The following S100Z variants were observed in gnomAD, a reference collection of about 807,000 sequenced individuals.
S100Z encodes the protein S100 calcium binding protein Z.
A neutral mutation model predicts 8.5 loss-of-function variants in S100Z; 11 were observed. The observed-to-expected ratio is 1.30, with a 90% CI of 0.82 to 2.15. The LOEUF (loss-of-function observed/expected upper bound fraction) is 2.15. S100Z is among the 30% of genes most tolerant of loss of function. S100Z has a pLI of 0.00. For missense variants in S100Z, 126 were observed against 117.9 expected, an observed-to-expected ratio of 1.07 and a Z score of -0.32; for synonymous variants, 34 against 43.8, an observed-to-expected ratio of 0.78 and a Z score of 0.89.
chr5:76,912,150 C>G (rs578232268), intron 4 of S100Z, among the ~76,000 whole-genome samples: 8 of 152,188 alleles, frequency 5.3e-5, no homozygotes, highest in Non-Finnish European at 5.9e-5. Context: ...TTGGACTACT[C>G]ATGATGTAAA....
chr5:76,870,452 C>T (rs1742968153), intron 2 of S100Z, among the ~76,000 whole-genome samples, 168 bp downstream of exon 2: 1 of 152,110 alleles, frequency 6.6e-6, no homozygotes, highest in South Asian at 2.1e-4. Flanking sequence ...ATGTAGTGAA[C>T]CCCCAAGGCC....
chr5:76,868,264 G>T (rs1174281841), intron 1 of S100Z, among the ~76,000 whole-genome samples: 1 of 152,154 alleles, frequency 6.6e-6, no homozygotes, highest in Admixed American at 6.6e-5. Flanking sequence ...GGGCTGCCAG[G>T]TGCAGTCCTG....
the S100Z span, among the ~76,000 whole-genome samples, chr5:76,937,355 G>A: frequency 6.6e-6 from 1 of 151,936 alleles, no homozygotes; most frequent in African/African-American, 2.4e-5. Flanking sequence ...AAGAACTAGA[G>A]TGATAGGAAT....
At chr5:76,929,492 T>A in the S100Z span, among the ~76,000 whole-genome samples, 9 of 152,228 alleles carry the variant, frequency 5.9e-5, no homozygotes, top group Non-Finnish European at 1.0e-4. Flanking sequence ...CCAAATTGAT[T>A]GTGCCAGACA....
intron 4 of S100Z, among the ~76,000 whole-genome samples, chr5:76,884,363 C>T (rs57425095): frequency 0.59 from 89,005 of 152,022 alleles, 27,032 homozygotes; most frequent in Non-Finnish European, 0.66. Flanking sequence ...GGGATCTTCT[C>T]GGGGAACTGC....
chr5:76,895,743 CCTTT>C lies in S100Z; in HGVS notation c.*2+17922_*2+17925del, dbSNP rs1191154403. 6.5e-4 allele frequency among the ~76,000 whole-genome samples: 97 copies of C among 148,848 alleles called. 1 individual carries two copies. Among genetic ancestry groups the C allele is most frequent in the African/African-American group, 2.1e-3 (87 of 40,602 alleles). On this transcript the variant is annotated intron_variant, in intron 4 of 4. Transcript: ENST00000317593. Reference sequence around the variant, plus strand: ...AATATAGAGGGGTTTTTTTGCTTTCCCTTTCTTTCTTTCTTTTCTTCCTTTTTTT... The same window carrying C: ...AATATAGAGGGGTTTTTTTGCTTTCCCTTTCTTTCTTTTCTTCCTTTTTTT...
intron 4 of S100Z, among the ~76,000 whole-genome samples, chr5:76,891,465 CTG>C (rs1743852088): frequency 6.6e-6 from 1 of 152,158 alleles, no homozygotes; most frequent in Non-Finnish European, 1.5e-5. Context: ...CAACATCTGA[CTG>C]AGAACTGTCT....
chr5:76,894,690 G>A (rs1743975314), intron 4 of S100Z, among the ~76,000 whole-genome samples: 1 of 151,602 alleles, frequency 6.6e-6, no homozygotes, highest in Non-Finnish European at 1.5e-5. Flanking sequence ...CCACCTCCCG[G>A]GTTCAAGTGA....
chr5:76,906,793 C>T (rs1338257241), intron 4 of S100Z, among the ~76,000 whole-genome samples: 2 of 151,388 alleles, frequency 1.3e-5, no homozygotes, highest in East Asian at 3.9e-4. Flanking sequence ...CCACCACGCT[C>T]AGCTAATTTT....
At chr5:76,909,031 T>C (rs1350123756) in intron 4 of S100Z, among the ~76,000 whole-genome samples, 1 of 152,182 alleles carries the variant, frequency 6.6e-6, no homozygotes, top group African/African-American at 2.4e-5. Flanking sequence ...CTAGTGTTTC[T>C]GCTGCTGTGT....
At chr5:76,905,740 A>G (rs1744403305) in intron 4 of S100Z, among the ~76,000 whole-genome samples, 1 of 152,156 alleles carries the variant, frequency 6.6e-6, no homozygotes, top group Non-Finnish European at 1.5e-5. Flanking sequence ...TAGCTAGTGC[A>G]AGGTATGGAT....
intron 4 of S100Z, among the ~76,000 whole-genome samples, chr5:76,885,669 C>T (rs1184036095): frequency 7.0e-6 from 1 of 142,774 alleles, no homozygotes; most frequent in African/African-American, 2.6e-5. Context: ...GGTGCTTGCC[C>T]CCCAGGAAAG....
the S100Z span, among the ~76,000 whole-genome samples, chr5:76,938,050 C>T: frequency 3.5e-4 from 53 of 151,968 alleles, no homozygotes; most frequent in Non-Finnish European, 6.9e-4. Flanking sequence ...GCCGAGATCG[C>T]GCCACTGCAC....
intron 2 of S100Z, among the ~76,000 whole-genome samples, chr5:76,873,056 C>G (rs1447392715): frequency 1.3e-5 from 2 of 151,992 alleles, no homozygotes; most frequent in Admixed American, 1.3e-4. Flanking sequence ...ATGGTCATCC[C>G]CATTTAGACT....
intron 1 of S100Z, among the ~76,000 whole-genome samples, chr5:76,864,259 C>T (rs1159160158): frequency 6.6e-6 from 1 of 152,118 alleles, no homozygotes; most frequent in Non-Finnish European, 1.5e-5. Context: ...ACAATACTTA[C>T]ATGTCTGGGG....
At chr5:76,936,616 T>TACACACACAC in the S100Z span, among the ~76,000 whole-genome samples, 3,782 of 134,058 alleles carry the variant, frequency 0.028, 105 homozygotes, top group Non-Finnish European at 0.034. Flanking sequence ...TTAAAGTTCC[T>TACACACACAC]ACACACACAC....
intron 4 of S100Z, among the ~76,000 whole-genome samples, chr5:76,903,242 T>C (rs1275819349): frequency 6.6e-6 from 1 of 152,192 alleles, no homozygotes; most frequent in Non-Finnish European, 1.5e-5. Context: ...GATACTTCTG[T>C]CTTATCCCCT....
At chr5:76,859,137 A>G (rs1750975013) in intron 1 of S100Z, among the ~76,000 whole-genome samples, 1 of 152,148 alleles carries the variant, frequency 6.6e-6, no homozygotes, top group African/African-American at 2.4e-5. Flanking sequence ...TGATGATGAT[A>G]ATCTGAAAGA....
At chr5:76,872,905 C>T (rs774962806) in intron 2 of S100Z, among the ~76,000 whole-genome samples, 16 of 151,904 alleles carry the variant, frequency 1.1e-4, no homozygotes, top group Non-Finnish European at 1.8e-4. Context: ...CCCAGGAGGT[C>T]GAGGCTGCAG....
Sources: allele counts gnomAD v4.1 joint callset (sites outside exome capture counted in the v4.1 genomes callset), GRCh38; gene constraint gnomAD v4.1.1; transcripts MANE v1.5; gene names NCBI Gene and HGNC (gene_info 2026-07-23, HGNC 2026-07-21).